TLCD4: variants seen among roughly 807,000 people sequenced by gnomAD.
The protein encoded by TLCD4 is TLC domain containing 4.
Under a neutral mutation model 24.2 loss-of-function variants are expected in TLCD4, and 7 were observed. That is an observed-to-expected ratio of 0.29 (90% CI 0.16 to 0.54). TLCD4 has a LOEUF of 0.54. TLCD4 is among the 20% of genes least tolerant of loss of function. The probability of loss-of-function intolerance (pLI) is 0.95; values close to 1 mark genes in which losing one functional copy is unlikely to be tolerated. For missense variants in TLCD4, 259 were observed against 313.9 expected (o/e 0.82, Z 1.32); for synonymous variants, 103 against 106.4 (o/e 0.97, Z 0.20).
chr1:95,146,284 T>G (rs1012729783), intron 2 of TLCD4, among the ~76,000 whole-genome samples: 1 of 152,288 alleles, frequency 6.6e-6, no homozygotes, highest in African/African-American at 2.4e-5. Flanking sequence ...TACTTACAGG[T>G]GCTACATCTT....
chr1:95,109,249 C>A, the TLCD4 span, among the ~76,000 whole-genome samples: 1 of 152,008 alleles, frequency 6.6e-6, no homozygotes, highest in Admixed American at 6.6e-5. Flanking sequence ...ACTGTTTGGG[C>A]CCAGGAGGTT....
At chr1:95,151,070 G>A (rs1380462733) in intron 4 of TLCD4, among the ~76,000 whole-genome samples, 2 of 152,108 alleles carry the variant, frequency 1.3e-5, no homozygotes, top group African/African-American at 4.8e-5. Context: ...CAGGCCTTGT[G>A]CTAGATTCTG....
chr1:95,117,086 G>A (rs1004691171), upstream of TLCD4, among the ~76,000 whole-genome samples: 1 of 152,210 alleles, frequency 6.6e-6, no homozygotes, highest in Admixed American at 6.5e-5. Context: ...TGACCGCTGC[G>A]GGGGCGGGCT....
chr1:95,137,666 C>T (rs1267367241), intron 1 of TLCD4, among the ~76,000 whole-genome samples: 2 of 151,824 alleles, frequency 1.3e-5, no homozygotes, highest in African/African-American at 4.8e-5. Context: ...CTCATCCCCT[C>T]TTCCTTCTTC....
intron 3 of TLCD4, among the ~76,000 whole-genome samples, chr1:95,149,751 A>C (rs1278350701): frequency 6.6e-6 from 1 of 152,174 alleles, no homozygotes; most frequent in Admixed American, 6.6e-5. Context: ...ATTTCATAAC[A>C]AAGATTTGAT....
intron 6 of TLCD4, 99 bp from the exon 7 acceptor site, chr1:95,191,451 T>C: frequency 7.0e-7 from 1 of 1,431,960 alleles, no homozygotes; most frequent in East Asian, 2.4e-5. Flanking sequence ...GGCCCTTTGC[T>C]CCTCCTTCAC....
chr1:95,129,916 C>G (rs573505115), intron 1 of TLCD4, among the ~76,000 whole-genome samples: 1 of 152,112 alleles, frequency 6.6e-6, no homozygotes, highest in Non-Finnish European at 1.5e-5. Flanking sequence ...TTTACACTCA[C>G]GATAATGGTT....
At position 95,196,764 on chromosome 1, in the gene TLCD4, C is replaced by A. The variant is rs1052012920; in HGVS notation, c.*4896C>A. On this transcript the variant is annotated 3_prime_UTR_variant, in exon 7 of 7. Coordinates refer to ENST00000370203, the MANE Select transcript of TLCD4 (RefSeq NM_152487.3). The stretch of plus-strand genomic sequence containing the variant: ...TCTTTATATCTTTATGTAATTATTT[C>A]TGTAATTAAGTGTACATTAGGGTTA... 6.6e-6 allele frequency: 1 copy of A among 152,088 alleles called. No individual in the cohort carries two copies. The highest frequency in any genetic ancestry group is 2.4e-5 in the African/African-American group (1 of 41,424). The allele number at this position is 152,088 out of a possible 1,614,324, so 9.4% of individuals were successfully genotyped here. A position where few individuals can be genotyped will look rare whatever the true frequency, so the allele number is the denominator to read the frequency against.
In TLCD4 at chr1:95,191,712, A is replaced by G; in HGVS notation, c.636A>G (p.Gly212=). 1 of 1,614,162 alleles carries G rather than the reference A, an allele frequency of 6.2e-7. No homozygotes were observed. The highest frequency in any genetic ancestry group is 8.5e-7 in the Non-Finnish European group (1 of 1,180,028). The change falls in exon 7 of 7, where the codon GGA becomes GGG. Residue 212 remains glycine, a synonymous_variant. Coordinates refer to ENST00000370203, the MANE Select transcript of TLCD4 (RefSeq NM_152487.3). Reference sequence around the variant, plus strand: ...GAACAGAACCCTACATAAGGCTTGGAGTTTTAATCCAGTTATCCTGGGTCA... The same window carrying G: ...GAACAGAACCCTACATAAGGCTTGGGGTTTTAATCCAGTTATCCTGGGTCA... ...VYGTEPYIRL[G]VLIQLSWVIS... is the part of the protein sequence containing the mutation.
chr1:95,134,804 G>T (rs1417354151), intron 1 of TLCD4, among the ~76,000 whole-genome samples: 2 of 152,206 alleles, frequency 1.3e-5, no homozygotes, highest in Non-Finnish European at 2.9e-5. Context: ...TATGTCCTGT[G>T]TGCTGCTGGA....
chr1:95,135,964 C>T (rs370411801), intron 1 of TLCD4, among the ~76,000 whole-genome samples: 6 of 151,792 alleles, frequency 4.0e-5, no homozygotes, highest in East Asian at 1.9e-4. Context: ...TCAGGTGATC[C>T]GCTGGCCTTG....
At chr1:95,142,626 CTTG>C (rs1296527929) in intron 1 of TLCD4, among the ~76,000 whole-genome samples, 8 of 152,210 alleles carry the variant, frequency 5.3e-5, no homozygotes, top group South Asian at 2.1e-4. Flanking sequence ...CCATTGGCCA[CTTG>C]TTGTACACCC....
chr1:95,119,209 GCTGAGA>G (rs1359429708), intron 1 of TLCD4, among the ~76,000 whole-genome samples: 1 of 152,210 alleles, frequency 6.6e-6, no homozygotes, highest in Non-Finnish European at 1.5e-5. Flanking sequence ...TGCTCAAGGT[GCTGAGA>G]CTAATGCAAA....
intron 5 of TLCD4, among the ~76,000 whole-genome samples, chr1:95,167,229 G>A (rs903926642): frequency 1.3e-5 from 2 of 152,046 alleles, no homozygotes; most frequent in African/African-American, 4.8e-5. Context: ...ACCAGAGCTA[G>A]GATTCAAATC....
At chr1:95,169,961 T>C (rs1215733944) in intron 5 of TLCD4, among the ~76,000 whole-genome samples, 8 of 152,224 alleles carry the variant, frequency 5.3e-5, no homozygotes, top group African/African-American at 1.4e-4. Flanking sequence ...TGTATAAAAA[T>C]AAATTTTGGT....
At chr1:95,099,166 G>C in the TLCD4 span, among the ~76,000 whole-genome samples, 7 of 150,758 alleles carry the variant, frequency 4.6e-5, no homozygotes, top group Admixed American at 2.0e-4. Context: ...GGTGGCTCAC[G>C]CCTATAATTC....
the TLCD4 span, among the ~76,000 whole-genome samples, chr1:95,111,621 T>C: frequency 1.2e-4 from 19 of 152,340 alleles, no homozygotes; most frequent in South Asian, 3.7e-3. Context: ...AGAGAAGTGA[T>C]AACTGGCTTG....
At chr1:95,189,053 C>T (rs1678934500) in intron 6 of TLCD4, among the ~76,000 whole-genome samples, 1 of 152,118 alleles carries the variant, frequency 6.6e-6, no homozygotes, top group Non-Finnish European at 1.5e-5. Context: ...AAATCTAATC[C>T]AGTATCTCAT....
chr1:95,148,606 C>G (rs575547152), intron 2 of TLCD4, 96 bp from the exon 3 acceptor site: 374 of 1,510,538 alleles, frequency 2.5e-4, no homozygotes, highest in Non-Finnish European at 3.1e-4. Context: ...ATAAATGCTT[C>G]CAGGTATAAC....
Sources: gnomAD v4.1 joint callset for allele counts (sites outside exome capture counted in the v4.1 genomes callset) on GRCh38, gnomAD v4.1.1 for gene constraint, MANE v1.5 for transcripts, NCBI Gene and HGNC (gene_info 2026-07-23, HGNC 2026-07-21) for gene names.